Variants in STK33 observed in about 807,000 individuals in gnomAD.
STK33 encodes the protein serine/threonine kinase 33, also known as serine/threonine-protein kinase 33.
In STK33, 52 loss-of-function variants were observed where a neutral mutation model predicts 58.0. The ratio of observed to expected loss-of-function variants is 0.90; its 90% CI spans 0.72 to 1.13. The LOEUF is 1.13. Ranked by LOEUF, STK33 falls within the 50% of genes most tolerant of loss-of-function variation. The pLI, the probability that STK33 is intolerant of heterozygous loss-of-function variation, is 0.00. For synonymous variants in STK33, 215 were observed against 200.1 expected (o/e 1.07, Z -0.63); for missense variants, 630 against 604.2 (o/e 1.04, Z -0.45).
intron 12 of STK33, among the ~76,000 whole-genome samples, chr11:8,440,407 G>C (rs749794125): frequency 3.9e-5 from 6 of 152,056 alleles, no homozygotes; most frequent in Non-Finnish European, 7.4e-5. Flanking sequence ...GATACGGAAG[G>C]TGTTAAGATT....
chr11:8,490,324 C>A (rs1011872640), intron 1 of STK33, among the ~76,000 whole-genome samples: 1 of 152,238 alleles, frequency 6.6e-6, no homozygotes, highest in Non-Finnish European at 1.5e-5. Flanking sequence ...GCCAGCACAG[C>A]AGTCTGAGAA....
chr11:8,531,714 C>T (rs941380240), intron 1 of STK33, among the ~76,000 whole-genome samples: 16 of 152,182 alleles, frequency 1.1e-4, no homozygotes, highest in African/African-American at 3.9e-4. Context: ...CTGAACCAGC[C>T]TTGGAAGTCA....
intron 1 of STK33, among the ~76,000 whole-genome samples, chr11:8,577,626 G>A (rs1475626242): frequency 2.6e-5 from 4 of 151,918 alleles, no homozygotes; most frequent in African/African-American, 9.7e-5. Flanking sequence ...TACTTACTCA[G>A]TAACAGGAAA....
intron 11 of STK33, among the ~76,000 whole-genome samples, chr11:8,442,989 T>C (rs935901391): frequency 2.6e-5 from 4 of 152,172 alleles, no homozygotes; most frequent in Non-Finnish European, 5.9e-5. Flanking sequence ...AGGAACTTTC[T>C]GGGGTGACAG....
At chr11:8,431,015 C>T (rs900286147) in intron 14 of STK33, among the ~76,000 whole-genome samples, 1 of 151,816 alleles carries the variant, frequency 6.6e-6, no homozygotes, top group Non-Finnish European at 1.5e-5. Flanking sequence ...TACCAGCACC[C>T]GCCACCACGC....
chr11:8,459,682 G>C (rs1005810820), intron 8 of STK33, among the ~76,000 whole-genome samples: 2 of 152,070 alleles, frequency 1.3e-5, no homozygotes, highest in South Asian at 4.2e-4. Context: ...AATCCAAGCA[G>C]AGCCTAGCAG....
chr11:8,345,008 C>T, the STK33 span, among the ~76,000 whole-genome samples: 1 of 152,194 alleles, frequency 6.6e-6, no homozygotes. Context: ...TCCAAATCAG[C>T]TCAACGTCCC....
chr11:8,518,476 A>G lies in STK33; in HGVS notation c.-465-37862T>C, dbSNP rs187855680. ...CAGCTAACATCATAATGACAGGATC[A>G]AATTCACACATAACAATATTAACCT... is the stretch of plus-strand genomic sequence containing the variant. On this transcript the variant is annotated intron_variant, in intron 1 of 15. Transcript: ENST00000687296. 4.6e-5 allele frequency among the ~76,000 whole-genome samples: 7 copies of G among 152,256 alleles called. No individual in the cohort carries two copies. The East Asian group carries it at 1.2e-3, about 25-fold the overall frequency.
chr11:8,448,682 A>C (rs1945845641), intron 11 of STK33, among the ~76,000 whole-genome samples: 1 of 152,152 alleles, frequency 6.6e-6, no homozygotes, highest in African/African-American at 2.4e-5. Context: ...TAAAAACCCT[A>C]GAAGAAAACC....
In STK33 at chr11:8,423,696, G is replaced by A. The variant is rs778441670; in HGVS notation, c.1147-10004C>T. Among the ~76,000 whole-genome samples, 57 of 152,084 alleles carry A rather than the reference G, an allele frequency of 3.7e-4. 2 individuals carry two copies. The highest frequency in any genetic ancestry group is 6.6e-4 in the Non-Finnish European group (45 of 67,950). On this transcript the variant is annotated intron_variant, in intron 14 of 15. Transcript: ENST00000687296. ...AGAACATGTACATTCTCTAATTAGA[G>A]AACTGTGTATGTGTCTACTAGAATA...
intron 1 of STK33, among the ~76,000 whole-genome samples, chr11:8,483,226 GAA>G: frequency 6.6e-6 from 1 of 152,092 alleles, no homozygotes; most frequent in African/African-American, 2.4e-5. Flanking sequence ...ACACGTCAAG[GAA>G]AGGTTCTCCA....
intron 1 of STK33, among the ~76,000 whole-genome samples, chr11:8,519,168 G>C (rs1953128249): frequency 6.6e-6 from 1 of 152,126 alleles, no homozygotes; most frequent in African/African-American, 2.4e-5. Flanking sequence ...AAACAAACTA[G>C]AACTCAGGAT....
At chr11:8,526,975 T>C (rs980734158) in intron 1 of STK33, among the ~76,000 whole-genome samples, 2 of 149,406 alleles carry the variant, frequency 1.3e-5, no homozygotes, top group African/African-American at 4.9e-5. Flanking sequence ...TTTCCTCTTT[T>C]TTTTTTTTTT....
At chr11:8,377,222 G>C in the STK33 span, among the ~76,000 whole-genome samples, 1 of 152,240 alleles carries the variant, frequency 6.6e-6, no homozygotes, top group Non-Finnish European at 1.5e-5. Context: ...TAGTTGTGGG[G>C]TTGATGCTGC....
At chr11:8,508,424 A>G (rs895815821) in intron 1 of STK33, among the ~76,000 whole-genome samples, 8 of 151,862 alleles carry the variant, frequency 5.3e-5, no homozygotes, top group Non-Finnish European at 1.2e-4. Context: ...GCCCACCACC[A>G]CCACAGCCAG....
At chr11:8,540,400 C>T (rs1000516936) in intron 1 of STK33, among the ~76,000 whole-genome samples, 1 of 151,810 alleles carries the variant, frequency 6.6e-6, no homozygotes, top group African/African-American at 2.4e-5. Flanking sequence ...TGGGAGGATC[C>T]CCTAAGTCCA....
chr11:8,380,101 T>A, the STK33 span, among the ~76,000 whole-genome samples: 1 of 152,382 alleles, frequency 6.6e-6, no homozygotes, highest in South Asian at 2.1e-4. Context: ...CACGTGCATG[T>A]GTCTTTATGA....
chr11:8,522,373 G>C (rs994715301), intron 1 of STK33, among the ~76,000 whole-genome samples: 2 of 151,580 alleles, frequency 1.3e-5, no homozygotes, highest in Non-Finnish European at 2.9e-5. Flanking sequence ...CTATCCCAAG[G>C]ACAGAAAACC....
chr11:8,367,080 G>A, the STK33 span, among the ~76,000 whole-genome samples: 9 of 152,226 alleles, frequency 5.9e-5, no homozygotes, highest in Admixed American at 2.0e-4. Context: ...TATACAAAGA[G>A]TTTATGTAAC....
Sources: gnomAD v4.1 joint callset for allele counts (sites outside exome capture counted in the v4.1 genomes callset) on GRCh38, gnomAD v4.1.1 for gene constraint, MANE v1.5 for transcripts, NCBI Gene and HGNC (gene_info 2026-07-23, HGNC 2026-07-21) for gene names.